Variants in ARID1B observed in about 807,000 individuals in gnomAD.
ARID1B encodes the protein AT-rich interactive domain-containing protein 1B.
A neutral mutation model predicts 212.3 loss-of-function variants in ARID1B; 30 were observed. The observed-to-expected ratio is 0.14, with a 90% CI of 0.11 to 0.19. The LOEUF is 0.19. Among genes scored for constraint, ARID1B ranks in the 10% least tolerant of loss-of-function variants. The pLI, the probability that ARID1B is intolerant of heterozygous loss-of-function variation, is 1.00. For synonymous variants in ARID1B, 1,402 were observed against 1,301.7 expected (o/e 1.08, Z -1.66); for missense variants, 2,891 against 3,204.0 (o/e 0.90, Z 2.36).
At chr6:156,962,987 T>C (rs1409586068) in intron 4 of ARID1B, among the ~76,000 whole-genome samples, 5 of 152,112 alleles carry the variant, frequency 3.3e-5, no homozygotes. Flanking sequence ...TTCACCATTT[T>C]GGCCAGGATG....
intron 6 of ARID1B, among the ~76,000 whole-genome samples, chr6:157,123,051 C>A (rs1283279503): frequency 1.3e-5 from 2 of 152,124 alleles, no homozygotes; most frequent in African/African-American, 4.8e-5. Flanking sequence ...GTTGTTTCAT[C>A]CATTAAGACA....
intron 2 of ARID1B, among the ~76,000 whole-genome samples, chr6:156,896,576 C>CAAAA (rs72490811): frequency 0.11 from 5,076 of 45,742 alleles, 494 homozygotes; most frequent in Non-Finnish European, 0.13. Context: ...AACTGCGTCT[C>CAAAA]AAAAAAAAAA....
At chr6:157,167,285 C>T (rs1207798809) in intron 9 of ARID1B, 100 bp downstream of exon 9, 3 of 1,429,398 alleles carry the variant, frequency 2.1e-6, no homozygotes, top group Middle Eastern at 2.3e-4. Flanking sequence ...GAAGGTGGAT[C>T]AGTTGGCGAA....
At chr6:157,193,563 G>C (rs1277112726) in intron 15 of ARID1B, 1 of 152,246 alleles carries the variant, frequency 6.6e-6, no homozygotes, top group Non-Finnish European at 1.5e-5. Flanking sequence ...TGAGAGCTCT[G>C]CTGGGCTCTG....
At chr6:156,905,413 C>T (rs1455900503) in intron 3 of ARID1B, among the ~76,000 whole-genome samples, 1 of 152,156 alleles carries the variant, frequency 6.6e-6, no homozygotes, top group Non-Finnish European at 1.5e-5. Flanking sequence ...TTCCTTCTTG[C>T]TTAGGTGGGG....
At chr6:156,891,145 C>T (rs1191167083) in intron 2 of ARID1B, among the ~76,000 whole-genome samples, 2 of 152,180 alleles carry the variant, frequency 1.3e-5, no homozygotes. Flanking sequence ...GGTTCAACCA[C>T]GCATCAGCTT....
chr6:157,113,849 C>A (rs567569845), intron 6 of ARID1B, among the ~76,000 whole-genome samples: 16 of 152,338 alleles, frequency 1.1e-4, no homozygotes, highest in Non-Finnish European at 2.4e-4. Flanking sequence ...AGTGAAATTT[C>A]CTCCAGCACT....
rs937660022 is a variant in ARID1B at position 157,201,586 on chromosome 6, G to GA, written c.5263+104dup. ...CTGTTCCTGCTCATCTTAAAGGGAT[G>GA]AAAAAATTATGACTAGAAGTTATCA... On this transcript the variant is annotated intron_variant, in intron 18 of 19. Transcript: ENST00000636930. The surrounding 1 kb of genome is among the most constrained non-coding windows in gnomAD (Gnocchi z 5.2). The GA allele has an allele frequency of 3.0e-6, 4 of 1,345,674 alleles. No individual in the cohort carries two copies. In the African/African-American group the frequency reaches 5.9e-5, roughly 20 times the overall value. 83.4% of individuals were successfully genotyped at this position (1,345,674 alleles called of 1,614,324 possible). A position where few individuals can be genotyped will look rare whatever the true frequency, so the allele number is the denominator to read the frequency against.
intron 2 of ARID1B, among the ~76,000 whole-genome samples, chr6:156,866,198 T>C (rs1785678718): frequency 6.6e-6 from 1 of 152,170 alleles, no homozygotes; most frequent in African/African-American, 2.4e-5. Context: ...GGGGATTCTG[T>C]GGATACTGCT....
chr6:157,016,262 C>CA (rs1157572857), intron 4 of ARID1B, among the ~76,000 whole-genome samples: 1 of 152,182 alleles, frequency 6.6e-6, no homozygotes, highest in Non-Finnish European at 1.5e-5. Flanking sequence ...AGAGCCCCCT[C>CA]AATGTAATTT....
chr6:156,776,950 G>T (rs549158282), upstream of ARID1B: 3 of 152,204 alleles, frequency 2.0e-5, no homozygotes, highest in African/African-American at 4.8e-5. Context: ...GGGAGAGACC[G>T]TGCTTTTGCA....
At chr6:156,894,335 G>A (rs926585490) in intron 2 of ARID1B, among the ~76,000 whole-genome samples, 2 of 151,924 alleles carry the variant, frequency 1.3e-5, no homozygotes, top group African/African-American at 4.8e-5. Flanking sequence ...CAGAATGTGG[G>A]GTTGTTATTT....
rs1285642669 is a variant in ARID1B at position 157,201,149 on chromosome 6, C to T, written c.4924C>T (p.Arg1642Cys). 5.0e-6 allele frequency: 8 copies of T among 1,614,040 alleles called. No homozygotes were observed. The highest frequency in any genetic ancestry group is 1.1e-5 in the South Asian group (1 of 91,090). Residue 1642 changes from arginine (R) to cysteine (C), a missense_variant, in exon 18 of 20, where the codon CGT (arginine) becomes TGT (cysteine). By Grantham distance (180) the Arg-to-Cys change is radical (BLOSUM62 -3). This residue lies in a region of ARID1B where 666 missense variants were observed against 873.5 expected (regional missense o/e 0.76). Coordinates refer to ENST00000636930, the MANE Select transcript of ARID1B (RefSeq NM_001374828.1). This position sits in a 1 kb window ranked among gnomAD's most constrained non-coding sequence, Gnocchi z 5.2. ...ESQWPSHVSQ[R>C]QPYMSSSASM... is the part of the protein sequence containing the mutation. ...CCAGTGGCCTTCTCACGTCAGCCAG[C>T]GTCAGCCTTATATGTCGTCCTCAGC... is the stretch of plus-strand genomic sequence containing the variant.
intron 4 of ARID1B, among the ~76,000 whole-genome samples, chr6:157,004,368 T>A (rs1779079468): frequency 6.6e-6 from 1 of 152,168 alleles, no homozygotes; most frequent in Non-Finnish European, 1.5e-5. Context: ...GCAAGTGAAA[T>A]CATTTTGCAG....
At chr6:157,027,222 A>G (rs1162018021) in intron 4 of ARID1B, among the ~76,000 whole-genome samples, 3 of 152,222 alleles carry the variant, frequency 2.0e-5, no homozygotes, top group Non-Finnish European at 4.4e-5. Context: ...AGTTTCCTCT[A>G]ACACAATAAT....
intron 1 of ARID1B, among the ~76,000 whole-genome samples, chr6:156,820,991 C>T (rs1403588776): frequency 2.0e-5 from 3 of 152,168 alleles, no homozygotes; most frequent in Admixed American, 6.5e-5. Context: ...TGTCTCCCCT[C>T]GCACCTCTTC....
At chr6:156,975,193 G>A (rs1156733272) in intron 4 of ARID1B, among the ~76,000 whole-genome samples, 2 of 152,106 alleles carry the variant, frequency 1.3e-5, no homozygotes, top group African/African-American at 4.8e-5. Flanking sequence ...TTGCATCGTG[G>A]CCATTTTTGT....
At chr6:157,180,561 A>G (rs544087458) in intron 11 of ARID1B, among the ~76,000 whole-genome samples, 1 of 152,242 alleles carries the variant, frequency 6.6e-6, no homozygotes, top group Middle Eastern at 3.4e-3. Flanking sequence ...GAGTCCATTT[A>G]ATGTTTTGGG....
At chr6:156,915,317 AG>A (rs1341989605) in intron 3 of ARID1B, among the ~76,000 whole-genome samples, 1 of 152,206 alleles carries the variant, frequency 6.6e-6, no homozygotes, top group African/African-American at 2.4e-5. Flanking sequence ...CTGTAATCCC[AG>A]CCCTTTGGGA....
Sources: gnomAD v4.1 joint callset for allele counts (sites outside exome capture counted in the v4.1 genomes callset) on GRCh38, gnomAD v4.1.1 for gene constraint, gnomAD v4.1.1 regional missense constraint, Gnocchi (gnomAD v3.1) non-coding constraint, MANE v1.5 for transcripts, NCBI Gene and HGNC (gene_info 2026-07-23, HGNC 2026-07-21) for gene names.